Variants in YWHAE observed in about 807,000 individuals in gnomAD.
YWHAE encodes tyrosine 3-monooxygenase/tryptophan 5-monooxygenase activation protein epsilon.
Under a neutral mutation model 30.1 loss-of-function variants are expected in YWHAE, and 4 were observed. The observed-to-expected ratio is 0.13, with a 90% CI of 0.07 to 0.30. The LOEUF (loss-of-function observed/expected upper bound fraction) is 0.30. YWHAE is among the 10% of genes least tolerant of loss of function. The pLI is 1.00. For synonymous variants in YWHAE, 118 were observed against 111.8 expected, an observed-to-expected ratio of 1.06 and a Z score of -0.35; for missense variants, 121 against 315.9, an observed-to-expected ratio of 0.38 and a Z score of 4.68.
intron 2 of YWHAE, 146 bp from the exon 3 acceptor site, chr17:1,362,154 A>G (rs2072874149): frequency 1.8e-6 from 1 of 550,688 alleles, no homozygotes; most frequent in African/African-American, 1.9e-5. Context: ...CCTTCTTGAC[A>G]CAAAAGCAGA....
At chr17:1,380,230 G>A (rs939355072) in intron 1 of YWHAE, among the ~76,000 whole-genome samples, 1 of 150,876 alleles carries the variant, frequency 6.6e-6, no homozygotes, top group Non-Finnish European at 1.5e-5. Context: ...TCCTGCCTCA[G>A]CCTCCGAAGT....
intron 2 of YWHAE, among the ~76,000 whole-genome samples, chr17:1,364,281 C>T (rs1486688703): frequency 6.6e-6 from 1 of 151,190 alleles, no homozygotes; most frequent in Non-Finnish European, 1.5e-5. Context: ...GGCTGGAGTG[C>T]AGCAGTGCGA....
intron 1 of YWHAE, among the ~76,000 whole-genome samples, chr17:1,375,009 A>C (rs530054946): frequency 5.1e-4 from 77 of 152,242 alleles, no homozygotes; most frequent in African/African-American, 1.8e-3. Context: ...ATGTAGCCTT[A>C]AACTCCTGGC....
intron 1 of YWHAE, among the ~76,000 whole-genome samples, chr17:1,373,454 A>C (rs938016835): frequency 5.9e-5 from 9 of 151,974 alleles, no homozygotes; most frequent in African/African-American, 2.2e-4. Flanking sequence ...TCACAAGGTC[A>C]GGAGATGGAG....
rs376683623 is a variant in YWHAE at position 1,361,972 on chromosome 17, G to A, written c.301C>T (p.Leu101=). 112 of 1,602,958 alleles carry A rather than the reference G, an allele frequency of 7.0e-5. No homozygotes were observed. Among genetic ancestry groups the A allele is most frequent in the Non-Finnish European group, 8.2e-5 (97 of 1,176,818 alleles). The stretch of plus-strand genomic sequence containing the variant: ...ATGAGGTGTTTGTCCAGTACATCCA[G>A]AATGTCACAACAGATTAACTTTAGC... ...TELKLICCDI[L]DVLDKHLIPA... Residue 101 remains leucine (L), a synonymous_variant, in exon 3 of 6, where the codon CTG becomes TTG. Transcript: ENST00000264335.
At chr17:1,366,660 T>C (rs1029178272) in intron 1 of YWHAE, among the ~76,000 whole-genome samples, 6 of 151,718 alleles carry the variant, frequency 4.0e-5, no homozygotes, top group Non-Finnish European at 8.8e-5. Context: ...ACTACTAAAT[T>C]GGACGGGCAC....
chr17:1,391,893 G>A (rs1249733798), intron 1 of YWHAE, among the ~76,000 whole-genome samples: 1 of 152,144 alleles, frequency 6.6e-6, no homozygotes, highest in African/African-American at 2.4e-5. Context: ...ACATCAGCCT[G>A]GGCAATCCGC....
rs530664661 is a variant in YWHAE, at chr17:1,400,069, G to A, written c.42C>T (p.Ala14=). Residue 14 remains alanine, a synonymous_variant, in exon 1 of 6, where the codon GCC becomes GCT. Transcript: ENST00000264335. ...CACCGTCGTATCGCTCAGCCTGCTC[G>A]GCCAGCTTCGCCTGGTACACCAGAT... ...REDLVYQAKL[A]EQAERYDEMV... is the part of the protein sequence containing the mutation. The A allele has an allele frequency of 3.5e-5, 57 of 1,613,488 alleles. No homozygotes were observed. Among genetic ancestry groups the A allele is most frequent in the Non-Finnish European group, 4.7e-5 (55 of 1,179,912 alleles).
At chr17:1,355,115 T>TCAAA (rs2072712838) in intron 4 of YWHAE, among the ~76,000 whole-genome samples, 1 of 72,366 alleles carries the variant, frequency 1.4e-5, no homozygotes, top group Non-Finnish European at 2.5e-5. Context: ...CCAAGATTTT[T>TCAAA]TAAAAAAAAA....
chr17:1,359,358 G>A (rs1408586125), intron 4 of YWHAE, among the ~76,000 whole-genome samples: 1 of 151,232 alleles, frequency 6.6e-6, no homozygotes, highest in African/African-American at 2.5e-5. Flanking sequence ...ACCTCAAGGT[G>A]AAGTTAAATA....
intron 5 of YWHAE, among the ~76,000 whole-genome samples, chr17:1,347,636 A>C (rs1207415165): frequency 2.0e-5 from 3 of 152,218 alleles, no homozygotes; most frequent in Non-Finnish European, 2.9e-5. Context: ...TAACGTATTC[A>C]AACGTAGGAA....
At chr17:1,392,574 G>A (rs2150877895) in intron 1 of YWHAE, among the ~76,000 whole-genome samples, 1 of 152,228 alleles carries the variant, frequency 6.6e-6, no homozygotes, top group East Asian at 1.9e-4. Context: ...ATCTGGCCGG[G>A]TGCGGTGGCT....
At chr17:1,388,553 C>T (rs1304259210) in intron 1 of YWHAE, among the ~76,000 whole-genome samples, 1 of 144,518 alleles carries the variant, frequency 6.9e-6, no homozygotes, top group Non-Finnish European at 1.5e-5. Context: ...GGATTACAGG[C>T]ATGAGCAAAC....
rs1491016767 is a variant in YWHAE, at chr17:1,388,111, TTG to T, written c.64+11934_64+11935del. Among the ~76,000 whole-genome samples, 81 of 45,048 alleles carry T rather than the reference TTG, an allele frequency of 1.8e-3. 1 individual carries two copies. The highest frequency in any genetic ancestry group is 7.2e-3 in the African/African-American group (55 of 7,662). 29.6% of individuals were successfully genotyped at this position (45,048 alleles called of 152,430 possible). Reference sequence around the variant, plus strand: ...GCCTGGGTAATTTTTGTTTTTTTTTTTGGTTGGTTTTTTTTTTTTTTTTTTTT... The same window carrying T: ...GCCTGGGTAATTTTTGTTTTTTTTTTGTTGGTTTTTTTTTTTTTTTTTTTT... On this transcript the variant is annotated intron_variant, in intron 1 of 5. Coordinates refer to ENST00000264335, the MANE Select transcript of YWHAE (RefSeq NM_006761.5).
At chr17:1,363,241 G>T (rs1315440013) in intron 2 of YWHAE, among the ~76,000 whole-genome samples, 2 of 151,994 alleles carry the variant, frequency 1.3e-5, no homozygotes, top group African/African-American at 4.8e-5. Context: ...GACTCATCAG[G>T]ACATCTGGAC....
In YWHAE at chr17:1,357,402, C is replaced by CAAAAA. The variant is rs1195729330; in HGVS notation, c.579-3060_579-3056dup. ...TGGGGGACATAGCGAGACTCCGTCT[C>CAAAAA]AAAAAAAAAAAAAAAAAAATACAAA... On this transcript the variant is annotated intron_variant, in intron 4 of 5. Coordinates refer to ENST00000264335, the MANE Select transcript of YWHAE (RefSeq NM_006761.5). 2.7e-4 allele frequency among the ~76,000 whole-genome samples: 22 copies of CAAAAA among 80,250 alleles called. No homozygotes were observed. The South Asian group carries it at 9.6e-3, about 35-fold the overall frequency. 52.6% of individuals were successfully genotyped at this position (80,250 alleles called of 152,430 possible). A position where few individuals can be genotyped will look rare whatever the true frequency, so the allele number is the denominator to read the frequency against.
At chr17:1,397,061 G>A (rs574656748) in intron 1 of YWHAE, among the ~76,000 whole-genome samples, 24 of 151,142 alleles carry the variant, frequency 1.6e-4, no homozygotes, top group Admixed American at 4.0e-4. Context: ...AGCTATGCCC[G>A]GATAATTTTT....
chr17:1,377,263 A>G (rs901243461), intron 1 of YWHAE, among the ~76,000 whole-genome samples: 2 of 152,102 alleles, frequency 1.3e-5, no homozygotes, highest in Non-Finnish European at 2.9e-5. Context: ...TAATGTTCCT[A>G]AAGTCACACA....
intron 1 of YWHAE, among the ~76,000 whole-genome samples, chr17:1,393,178 T>A (rs1393110424): frequency 2.0e-5 from 3 of 147,148 alleles, no homozygotes; most frequent in South Asian, 2.1e-4. Context: ...AAATAAAATT[T>A]AAAAACATAC....
Sources: gnomAD v4.1 joint callset for allele counts (sites outside exome capture counted in the v4.1 genomes callset) on GRCh38, gnomAD v4.1.1 for gene constraint, MANE v1.5 for transcripts, NCBI Gene and HGNC (gene_info 2026-07-23, HGNC 2026-07-21) for gene names.